The following LRMDA variants were observed in gnomAD, a reference collection of about 807,000 sequenced individuals.
LRMDA encodes leucine rich melanocyte differentiation associated, also known as leucine-rich melanocyte differentiation-associated protein.
A neutral mutation model predicts 29.8 loss-of-function variants in LRMDA; 18 were observed. The ratio of observed to expected loss-of-function variants is 0.60; its 90% confidence interval spans 0.42 to 0.90. The LOEUF (loss-of-function observed/expected upper bound fraction) is 0.90. Among genes scored for constraint, LRMDA ranks in the 40% least tolerant of loss-of-function variants. LRMDA has a pLI of 0.00. For missense variants in LRMDA, 273 were observed against 273.9 expected, an observed-to-expected ratio of 1.00 and a Z score of 0.02; for synonymous variants, 125 against 109.4, an observed-to-expected ratio of 1.14 and a Z score of -0.89.
chr10:75,633,381 T>A (rs530252940), intron 2 of LRMDA, among the ~76,000 whole-genome samples: 5 of 152,346 alleles, frequency 3.3e-5, no homozygotes, highest in African/African-American at 1.2e-4. Flanking sequence ...TCCTCTTTGA[T>A]AGTGTTTGTA....
At chr10:76,055,932 C>T (rs1253386349) in intron 4 of LRMDA, among the ~76,000 whole-genome samples, 1 of 152,246 alleles carries the variant, frequency 6.6e-6, no homozygotes, top group Non-Finnish European at 1.5e-5. Context: ...TCATCACCCA[C>T]CATGTGGCGA....
At chr10:75,588,938 T>C (rs1159563885) in intron 2 of LRMDA, among the ~76,000 whole-genome samples, 1 of 152,222 alleles carries the variant, frequency 6.6e-6, no homozygotes, top group Non-Finnish European at 1.5e-5. Flanking sequence ...ATAGAGAGCT[T>C]CCTCATTAAA....
At chr10:75,806,679 A>G (rs1424755554) in intron 2 of LRMDA, among the ~76,000 whole-genome samples, 1 of 150,878 alleles carries the variant, frequency 6.6e-6, no homozygotes, top group Non-Finnish European at 1.5e-5. Context: ...TTCAACTTAG[A>G]AATCCCGAGT....
chr10:76,286,836 T>C (rs1840277285), intron 5 of LRMDA, among the ~76,000 whole-genome samples: 1 of 152,160 alleles, frequency 6.6e-6, no homozygotes. Context: ...TTTTTCCAAA[T>C]TTGTTTCTCC....
chr10:76,403,471 C>A (rs1314463871), intron 6 of LRMDA: 1 of 152,028 alleles, frequency 6.6e-6, no homozygotes, highest in South Asian at 2.1e-4. Flanking sequence ...TAGATGCTAA[C>A]CCAGGAAACC....
At chr10:76,128,919 A>T (rs927876062) in intron 5 of LRMDA, among the ~76,000 whole-genome samples, 2 of 152,206 alleles carry the variant, frequency 1.3e-5, no homozygotes, top group Non-Finnish European at 2.9e-5. Flanking sequence ...TTATTCTAAC[A>T]ATTGTGAGGG....
At chr10:76,540,313 T>C (rs1843339572) in intron 6 of LRMDA, among the ~76,000 whole-genome samples, 1 of 150,726 alleles carries the variant, frequency 6.6e-6, no homozygotes, top group African/African-American at 2.5e-5. Flanking sequence ...GGAAATCTCT[T>C]CATCAGAAAA....
intron 2 of LRMDA, among the ~76,000 whole-genome samples, chr10:75,622,211 C>T (rs1841197452): frequency 1.3e-5 from 2 of 152,050 alleles, no homozygotes; most frequent in African/African-American, 4.8e-5. Context: ...AGAGAAGATT[C>T]TTAAGGCATT....
intron 2 of LRMDA, among the ~76,000 whole-genome samples, chr10:75,467,849 T>C (rs976795873): frequency 1.3e-5 from 2 of 151,946 alleles, no homozygotes; most frequent in African/African-American, 4.8e-5. Context: ...TAATCCCAGC[T>C]ACACAGGAGG....
chr10:75,592,994 A>C (rs1589196355), intron 2 of LRMDA, among the ~76,000 whole-genome samples: 1 of 150,058 alleles, frequency 6.7e-6, no homozygotes, highest in African/African-American at 2.5e-5. Flanking sequence ...AATCATCTCC[A>C]CCCCCTCCTC....
chr10:75,441,197 A>G (rs1015451438), intron 2 of LRMDA, among the ~76,000 whole-genome samples: 3 of 152,166 alleles, frequency 2.0e-5, no homozygotes, highest in Non-Finnish European at 4.4e-5. Context: ...CAAATGAAAT[A>G]TTGTAAATCC....
intron 2 of LRMDA, among the ~76,000 whole-genome samples, chr10:75,721,272 G>T (rs1842563631): frequency 6.6e-6 from 1 of 152,158 alleles, no homozygotes; most frequent in African/African-American, 2.4e-5. Flanking sequence ...GTGTTGGGGA[G>T]TGGGGTCTGT....
chr10:75,777,244 G>C (rs1843324995), intron 2 of LRMDA, among the ~76,000 whole-genome samples: 1 of 152,174 alleles, frequency 6.6e-6, no homozygotes, highest in African/African-American at 2.4e-5. Flanking sequence ...GCTCAAAGCA[G>C]ACCCAACAAG....
At chr10:75,926,687 T>C (rs1042497500) in intron 2 of LRMDA, among the ~76,000 whole-genome samples, 7 of 152,254 alleles carry the variant, frequency 4.6e-5, no homozygotes, top group African/African-American at 1.7e-4. Flanking sequence ...GTCTTGTGGA[T>C]TGCAGTGGTG....
intron 2 of LRMDA, among the ~76,000 whole-genome samples, chr10:75,807,253 G>C (rs1214074178): frequency 2.0e-5 from 3 of 152,164 alleles, no homozygotes; most frequent in Non-Finnish European, 2.9e-5. Flanking sequence ...GCAGCACAGG[G>C]AGGGAAAGCA....
intron 2 of LRMDA, among the ~76,000 whole-genome samples, chr10:75,637,382 A>T (rs1417610363): frequency 6.6e-6 from 1 of 152,188 alleles, no homozygotes; most frequent in Non-Finnish European, 1.5e-5. Context: ...ATACATAGAA[A>T]AATGGAGGCA....
At chr10:76,236,379 A>G (rs902456541) in intron 5 of LRMDA, among the ~76,000 whole-genome samples, 1 of 152,224 alleles carries the variant, frequency 6.6e-6, no homozygotes, top group Admixed American at 6.5e-5. Flanking sequence ...GATCTCTGAC[A>G]CTACAATCAT....
chr10:75,881,843 G>T (rs564923947), intron 2 of LRMDA, among the ~76,000 whole-genome samples: 2 of 152,272 alleles, frequency 1.3e-5, no homozygotes, highest in African/African-American at 2.4e-5. Context: ...ACCTTGCTGC[G>T]CATTTTGTCC....
At chr10:75,828,196 C>T (rs1274470212) in intron 2 of LRMDA, among the ~76,000 whole-genome samples, 1 of 152,060 alleles carries the variant, frequency 6.6e-6, no homozygotes, top group Non-Finnish European at 1.5e-5. Context: ...TTAGAACGAC[C>T]CCAAACTATC....
Sources: gnomAD v4.1 joint callset for allele counts (sites outside exome capture counted in the v4.1 genomes callset) on GRCh38, gnomAD v4.1.1 for gene constraint, MANE v1.5 for transcripts, NCBI Gene and HGNC (gene_info 2026-07-23, HGNC 2026-07-21) for gene names.